MPPED2: variants seen among roughly 807,000 people sequenced by gnomAD.
MPPED2 encodes the protein metallophosphoesterase domain containing 2.
A neutral mutation model predicts 33.0 loss-of-function variants in MPPED2; 5 were observed. The observed-to-expected ratio is 0.15, with a 90% CI of 0.08 to 0.32. MPPED2 has a LOEUF of 0.32. Among genes scored for constraint, MPPED2 ranks in the 10% least tolerant of loss-of-function variants. MPPED2 has a pLI of 1.00. For missense variants in MPPED2, 275 were observed against 372.1 expected (o/e 0.74, Z 2.15); for synonymous variants, 136 against 141.9 (o/e 0.96, Z 0.29).
chr11:30,447,314 G>A (rs1213872941), intron 4 of MPPED2, among the ~76,000 whole-genome samples: 2 of 152,164 alleles, frequency 1.3e-5, no homozygotes, highest in East Asian at 3.9e-4. Flanking sequence ...CCCATTATAT[G>A]GGCAAACTAT....
chr11:30,468,258 T>A (rs561521), intron 4 of MPPED2, among the ~76,000 whole-genome samples: 14,811 of 62,108 alleles, frequency 0.24, 1,110 homozygotes, highest in East Asian at 0.47. Context: ...ACACACACAC[T>A]CTCTCTCTCT....
chr11:30,523,807 A>C (rs550739166), intron 3 of MPPED2, among the ~76,000 whole-genome samples: 1 of 151,994 alleles, frequency 6.6e-6, no homozygotes, highest in South Asian at 2.1e-4. Flanking sequence ...GAAAACTAAC[A>C]ACAAAGAAGG....
At chr11:30,565,931 T>C (rs1320751527) in intron 2 of MPPED2, among the ~76,000 whole-genome samples, 2 of 152,190 alleles carry the variant, frequency 1.3e-5, no homozygotes, top group Non-Finnish European at 2.9e-5. Context: ...ATACCAATAC[T>C]GTTATGACGG....
chr11:30,470,746 A>C (rs1950913357), intron 4 of MPPED2, among the ~76,000 whole-genome samples: 1 of 152,116 alleles, frequency 6.6e-6, no homozygotes, highest in East Asian at 1.9e-4. Flanking sequence ...CTGGTGGCTT[A>C]TTTCTACTTC....
intron 3 of MPPED2, among the ~76,000 whole-genome samples, chr11:30,521,143 G>A (rs1953854104): frequency 6.6e-6 from 1 of 152,096 alleles, no homozygotes; most frequent in Non-Finnish European, 1.5e-5. Flanking sequence ...AATTTGGGGG[G>A]AGATTTAGGA....
At chr11:30,510,208 G>A (rs1953078190) in intron 3 of MPPED2, among the ~76,000 whole-genome samples, 1 of 150,972 alleles carries the variant, frequency 6.6e-6, no homozygotes, top group South Asian at 2.1e-4. Context: ...TTTTTTTTCA[G>A]TTGACTCATG....
intron 6 of MPPED2, among the ~76,000 whole-genome samples, chr11:30,404,182 A>G (rs1183704280): frequency 6.6e-6 from 1 of 152,224 alleles, no homozygotes; most frequent in Non-Finnish European, 1.5e-5. Flanking sequence ...TCACCCTTCA[A>G]TACAAGTTGA....
chr11:30,504,924 C>T, intron 3 of MPPED2: 1 of 616,898 alleles, frequency 1.6e-6, no homozygotes, highest in Non-Finnish European at 2.7e-6. Flanking sequence ...GGAGTGAAAG[C>T]CCGGTGGTCC....
intron 4 of MPPED2, among the ~76,000 whole-genome samples, chr11:30,492,061 T>C (rs894270090): frequency 6.6e-6 from 1 of 152,230 alleles, no homozygotes; most frequent in Non-Finnish European, 1.5e-5. Flanking sequence ...TAGTGCTTAT[T>C]TTCTTGACTT....
chr11:30,407,330 T>A (rs1333572076), downstream of MPPED2, among the ~76,000 whole-genome samples: 1 of 152,126 alleles, frequency 6.6e-6, no homozygotes, highest in Non-Finnish European at 1.5e-5. Flanking sequence ...AATAAGCAGA[T>A]CTGTGGGTGC....
intron 4 of MPPED2, among the ~76,000 whole-genome samples, chr11:30,469,981 C>T (rs549797128): frequency 1.6e-4 from 24 of 152,246 alleles, no homozygotes; most frequent in African/African-American, 4.6e-4. Context: ...TCATGTCATT[C>T]GACCAGCAAT....
intron 4 of MPPED2, among the ~76,000 whole-genome samples, chr11:30,470,254 T>C (rs1391656585): frequency 6.6e-6 from 1 of 152,068 alleles, no homozygotes; most frequent in African/African-American, 2.4e-5. Flanking sequence ...ACTGGCCCAG[T>C]ATGGTCAGTC....
At chr11:30,520,005 A>G (rs1310173610) in intron 3 of MPPED2, among the ~76,000 whole-genome samples, 1 of 152,168 alleles carries the variant, frequency 6.6e-6, no homozygotes, top group African/African-American at 2.4e-5. Context: ...TTATAGTTAG[A>G]TGTCTGCCCT....
intron 2 of MPPED2, among the ~76,000 whole-genome samples, chr11:30,552,678 T>C (rs549208222): frequency 1.3e-3 from 205 of 152,312 alleles, no homozygotes; most frequent in African/African-American, 4.7e-3. Flanking sequence ...AGACTCTTTA[T>C]AAACGTTTTC....
At chr11:30,386,242 C>T (rs1947700963) in exon 7 of MPPED2, 1 of 152,472 alleles carries the variant, frequency 6.6e-6, no homozygotes, top group South Asian at 2.1e-4. Context: ...GAGCCAAGTG[C>T]TAATAACCAA....
chr11:30,549,772 T>C (rs1374515685), intron 2 of MPPED2, among the ~76,000 whole-genome samples: 2 of 152,142 alleles, frequency 1.3e-5, no homozygotes, highest in Non-Finnish European at 2.9e-5. Flanking sequence ...GCTCTCTTCC[T>C]CATGAAGAGG....
chr11:30,449,740 A>T (rs1048300634), intron 4 of MPPED2, among the ~76,000 whole-genome samples: 5 of 152,212 alleles, frequency 3.3e-5, no homozygotes, highest in Non-Finnish European at 7.3e-5. Flanking sequence ...ATGGTGGTAT[A>T]AATTTCCCTT....
rs141296120 is a variant in MPPED2, at chr11:30,577,364, A to T, written c.128+2882T>A. 6.1e-3 allele frequency among the ~76,000 whole-genome samples: 931 copies of T among 152,308 alleles called. 9 individuals are homozygous for T. The highest frequency in any genetic ancestry group is 0.021 in the African/African-American group (892 of 41,572). On this transcript the variant is annotated intron_variant, in intron 2 of 6. Coordinates refer to ENST00000358117, the MANE Select transcript of MPPED2 (RefSeq NM_001584.3). ...AGGGTTTTTAACTATAATCCAAGTG[A>T]TCTGTCAGGGGTCTTCAGAAATCTC... is the stretch of plus-strand genomic sequence containing the variant.
intron 6 of MPPED2, among the ~76,000 whole-genome samples, chr11:30,399,912 T>C (rs607752): frequency 0.67 from 101,216 of 152,042 alleles, 34,337 homozygotes; most frequent in Non-Finnish European, 0.74. Context: ...AAAGACAGAC[T>C]GAAACCTCAA....
Sources: allele counts gnomAD v4.1 joint callset (sites outside exome capture counted in the v4.1 genomes callset), GRCh38; gene constraint gnomAD v4.1.1; transcripts MANE v1.5; gene names NCBI Gene and HGNC (gene_info 2026-07-23, HGNC 2026-07-21).